Variants in CSF2RA observed in about 807,000 individuals in gnomAD.
CSF2RA encodes the protein granulocyte-macrophage colony-stimulating factor receptor subunit alpha.
Under a neutral mutation model 51.6 loss-of-function variants are expected in CSF2RA, and 42 were observed. The ratio of observed to expected loss-of-function variants is 0.81; its 90% CI spans 0.64 to 1.05. The LOEUF (loss-of-function observed/expected upper bound fraction) is 1.05. CSF2RA is among the 50% of genes least tolerant of loss of function. The pLI is 0.00. For synonymous variants in CSF2RA, 222 were observed against 193.0 expected (o/e 1.15, Z -1.24); for missense variants, 530 against 501.1 (o/e 1.06, Z -0.55).
Position 1,294,331 on chromosome X carries a change from G to A in CSF2RA, c.650G>A (p.Arg217Gln), listed in dbSNP as rs147844397. 2.2e-5 allele frequency: 36 copies of A among 1,613,248 alleles called. No homozygotes were observed. The highest frequency in any genetic ancestry group is 2.7e-5 in the Non-Finnish European group (32 of 1,179,848). Residue 217 changes from arginine to glutamine, a missense_variant, in exon 8 of 13, where the codon CGA becomes CAA. Transcript: ENST00000381529. ...DSLLDTKKIE[R>Q]FNPPSNVTVR... The stretch of plus-strand genomic sequence containing the variant: ...GTGTCCTGCGCCCTCGTTACAGAAC[G>A]ATTCAACCCTCCCAGCAATGTCACC...
the CSF2RA span, among the ~76,000 whole-genome samples, chrX:1,323,389 C>T: frequency 4.6e-5 from 7 of 151,980 alleles, no homozygotes; most frequent in African/African-American, 7.2e-5. Context: ...TGTTATTAAA[C>T]GTCCATAGTT....
chrX:1,283,115 GTTCC>G (rs746476696), intron 3 of CSF2RA, among the ~76,000 whole-genome samples: 20 of 91,180 alleles, frequency 2.2e-4, no homozygotes, highest in African/African-American at 6.7e-4. Flanking sequence ...TCGTTCCTTC[GTTCC>G]TTCGTTCCTT....
chrX:1,314,463 G>A (rs1457998497), downstream of CSF2RA, among the ~76,000 whole-genome samples: 13 of 145,798 alleles, frequency 8.9e-5, 1 homozygote, highest in East Asian at 6.3e-4. Flanking sequence ...CACTGCACCT[G>A]CCCAACCCCA....
chrX:1,299,193 AC>A (rs1343933753), intron 9 of CSF2RA, among the ~76,000 whole-genome samples: 83 of 152,166 alleles, frequency 5.5e-4, no homozygotes, highest in African/African-American at 1.9e-3. Context: ...TCTTTCCTCT[AC>A]GTGGGTTAAG....
At chrX:1,313,415 C>G (rs1400446577), downstream of CSF2RA, among the ~76,000 whole-genome samples, 3 of 151,480 alleles carry the variant, frequency 2.0e-5, no homozygotes, top group Non-Finnish European at 4.4e-5. Flanking sequence ...ATCTGGGTGA[C>G]AGAGAGGAGC....
chrX:1,287,470 G>C (rs1426773805), intron 4 of CSF2RA, among the ~76,000 whole-genome samples: 1 of 141,742 alleles, frequency 7.1e-6, no homozygotes, highest in Non-Finnish European at 1.5e-5. Flanking sequence ...TTGGGATGGA[G>C]TCTCGCTCTG....
At chrX:1,281,178 CT>C (rs2089991644) in intron 2 of CSF2RA, among the ~76,000 whole-genome samples, 1 of 129,774 alleles carries the variant, frequency 7.7e-6, no homozygotes, top group African/African-American at 3.0e-5. Flanking sequence ...CCTCCTTCTC[CT>C]CCTTCTCCTT....
At chrX:1,317,363 C>T in the CSF2RA span, among the ~76,000 whole-genome samples, 45 of 134,992 alleles carry the variant, frequency 3.3e-4, no homozygotes, top group Middle Eastern at 5.3e-3. Context: ...GCGATTCTCC[C>T]GCCTCAGCCT....
At position 1,289,137 on chromosome X, in the gene CSF2RA, A is replaced by G. The variant is rs1195484663; in HGVS notation, c.473+249A>G. ...CCACCACACCAGGCCACATCTATGTATTTAGAGACAGAGTCTTGCTCTGTC... is the reference window on the plus strand; with the variant it reads ...CCACCACACCAGGCCACATCTATGTGTTTAGAGACAGAGTCTTGCTCTGTC... On this transcript the variant is annotated intron_variant, in intron 6 of 12. Transcript: ENST00000381529. 6 of 543,310 alleles carry G rather than the reference A, an allele frequency of 1.1e-5. No homozygotes were observed. The African/African-American group carries it at 1.2e-4, about 10-fold the overall frequency. 33.7% of individuals were successfully genotyped at this position (543,310 alleles called of 1,614,324 possible). A position where few individuals can be genotyped will look rare whatever the true frequency, so the allele number is the denominator to read the frequency against.
chrX:1,305,891 G>C, intron 12 of CSF2RA: 1 of 1,098,530 alleles, frequency 9.1e-7, no homozygotes, highest in Admixed American at 2.2e-5. Context: ...GACCAGCCTG[G>C]CCAACGTGGT....
In CSF2RA at chrX:1,309,424, C is replaced by G. The variant is rs765802143; in HGVS notation, c.1148C>G (p.Pro383Arg). The change falls in exon 13 of 13, where the codon CCA becomes CGA. Residue 383 changes from proline to arginine, a missense_variant. By Grantham distance (103) the Pro-to-Arg change is moderately radical. Transcript: ENST00000381529. ...EDEIIWEEFT[P>R]EEGKGYREEV... is the part of the protein sequence containing the mutation. ...CAGATCATCTGGGAGGAATTCACCC[C>G]AGAGGAAGGGAAAGGCTACCGCGAA... The G allele has an allele frequency of 1.9e-6, 3 of 1,613,834 alleles. No individual in the cohort carries two copies. In the South Asian group the frequency reaches 3.3e-5, roughly 18 times the overall value.
At chrX:1,290,736 G>A (rs1194992235) in intron 7 of CSF2RA, among the ~76,000 whole-genome samples, 1 of 151,944 alleles carries the variant, frequency 6.6e-6, no homozygotes, top group East Asian at 1.9e-4. Context: ...ATGGTGGCGC[G>A]TGCCTGTAAT....
chrX:1,274,293 G>A (rs1231693493), intron 1 of CSF2RA, among the ~76,000 whole-genome samples: 1 of 151,708 alleles, frequency 6.6e-6, no homozygotes, highest in Non-Finnish European at 1.5e-5. Context: ...GGATACACAG[G>A]GCACAATTTG....
At chrX:1,310,915 G>C (rs1362729577), downstream of CSF2RA, among the ~76,000 whole-genome samples, 1 of 151,952 alleles carries the variant, frequency 6.6e-6, no homozygotes, top group African/African-American at 2.4e-5. Context: ...TAATGAGTGA[G>C]TTCTTTCTCT....
In CSF2RA at chrX:1,309,607, C is replaced by A. The variant is rs1304942702; in HGVS notation, c.*128C>A. ...TTATTTAAAAACATGACATTTGGGG[C>A]CAGGCGCGGTGGCTCACGCCTGTAA... On this transcript the variant is annotated 3_prime_UTR_variant, in exon 13 of 13. Coordinates refer to ENST00000381529, the MANE Select transcript of CSF2RA (RefSeq NM_172245.4). 6.2e-7 allele frequency: 1 copy of A among 1,612,694 alleles called. No homozygotes were observed. Among genetic ancestry groups the A allele is most frequent in the Non-Finnish European group, 8.5e-7 (1 of 1,178,826 alleles).
intron 4 of CSF2RA, among the ~76,000 whole-genome samples, chrX:1,288,266 G>T (rs374654373): frequency 1.9e-4 from 29 of 148,964 alleles, no homozygotes; most frequent in African/African-American, 6.8e-4. Flanking sequence ...TGGATCACCT[G>T]AGGTCAGGAG....
At chrX:1,321,925 C>T in the CSF2RA span, among the ~76,000 whole-genome samples, 2 of 151,768 alleles carry the variant, frequency 1.3e-5, no homozygotes, top group Middle Eastern at 3.2e-3. Flanking sequence ...ATCATGAGGT[C>T]GGGAGTTCGA....
At chrX:1,324,451 A>AG in the CSF2RA span, among the ~76,000 whole-genome samples, 1 of 71,204 alleles carries the variant, frequency 1.4e-5, no homozygotes, top group African/African-American at 3.6e-5. Flanking sequence ...AAAAAGAAAG[A>AG]AAAAGAAAGA....
chrX:1,281,080 C>T (rs2089961567), intron 2 of CSF2RA, among the ~76,000 whole-genome samples: 1 of 70,854 alleles, frequency 1.4e-5, no homozygotes, highest in East Asian at 4.2e-4. Flanking sequence ...TCCTCCTCCT[C>T]CTTCTCCTCC....
Sources: gnomAD v4.1 joint callset for allele counts (sites outside exome capture counted in the v4.1 genomes callset) on GRCh38, gnomAD v4.1.1 for gene constraint, MANE v1.5 for transcripts, NCBI Gene and HGNC (gene_info 2026-07-23, HGNC 2026-07-21) for gene names.